Variants in NLK observed in about 807,000 individuals in gnomAD.
NLK encodes serine/threonine-protein kinase NLK.
NLK carries 11 observed loss-of-function variants against 59.0 expected under a neutral mutation model. The observed-to-expected ratio is 0.19, with a 90% CI of 0.12 to 0.31. The LOEUF (loss-of-function observed/expected upper bound fraction) is 0.31. NLK is among the 10% of genes least tolerant of loss of function. NLK has a pLI of 1.00. For missense variants in NLK, 410 were observed against 661.1 expected (o/e 0.62, Z 4.16); for synonymous variants, 235 against 235.9 (o/e 1.00, Z 0.03).
At chr17:28,158,013 TACAG>T (rs2142044933) in intron 3 of NLK, among the ~76,000 whole-genome samples, 1 of 152,222 alleles carries the variant, frequency 6.6e-6, no homozygotes, top group African/African-American at 2.4e-5. Context: ...GGCTTGGCAA[TACAG>T]ACAGAGAATA....
intron 1 of NLK, among the ~76,000 whole-genome samples, chr17:28,071,704 A>T (rs1910012316): frequency 6.6e-6 from 1 of 152,226 alleles, no homozygotes; most frequent in South Asian, 2.1e-4. Context: ...CTTGAGGGCG[A>T]TCCCTCTCAG....
In NLK at chr17:28,172,561, A is replaced by C. The variant is rs759415859; in HGVS notation, c.1092A>C (p.Ala364=). The change falls in exon 7 of 11, where the codon GCA becomes GCC. Residue 364 remains alanine, a synonymous_variant. Transcript: ENST00000407008. The part of the protein sequence containing the change: ...TDLLGTPSLE[A]MRTACEGAKA... ...TGTTGGGCACACCATCACTGGAAGCAATGAGGACAGCTTGTGAAGGCGCTA... is the reference window on the plus strand; with the variant it reads ...TGTTGGGCACACCATCACTGGAAGCCATGAGGACAGCTTGTGAAGGCGCTA... 2 of 1,597,904 alleles carry C rather than the reference A, an allele frequency of 1.3e-6. No homozygotes were observed. The highest frequency in any genetic ancestry group is 1.4e-5 in the African/African-American group (1 of 73,926).
chr17:28,063,275 G>T (rs950185823), intron 1 of NLK, among the ~76,000 whole-genome samples: 1 of 152,030 alleles, frequency 6.6e-6, no homozygotes, highest in African/African-American at 2.4e-5. Flanking sequence ...TTTTCTCTTT[G>T]TTACATTGTT....
At chr17:28,144,396 C>CAAAA (rs984366292) in intron 3 of NLK, among the ~76,000 whole-genome samples, 6 of 81,582 alleles carry the variant, frequency 7.4e-5, no homozygotes, top group East Asian at 2.7e-4. Context: ...CAGGTGAAGC[C>CAAAA]AAAAAAAAAA....
At chr17:28,190,359 C>T (rs1909262108) in intron 8 of NLK, among the ~76,000 whole-genome samples, 1 of 152,152 alleles carries the variant, frequency 6.6e-6, no homozygotes, top group Non-Finnish European at 1.5e-5. Context: ...GTAGCTCATG[C>T]CTGCAGTCCC....
intron 2 of NLK, among the ~76,000 whole-genome samples, chr17:28,125,614 A>G (rs1425181034): frequency 1.3e-5 from 2 of 152,176 alleles, no homozygotes; most frequent in South Asian, 2.1e-4. Flanking sequence ...ACTATTTTAT[A>G]TATAATAGAT....
At chr17:28,202,935 G>A in the NLK span, among the ~76,000 whole-genome samples, 1 of 151,550 alleles carries the variant, frequency 6.6e-6, no homozygotes, top group Non-Finnish European at 1.5e-5. Flanking sequence ...GCCCACCTCA[G>A]CCTCCCAAAG....
chr17:28,057,605 A>G (rs1909486088), intron 1 of NLK, among the ~76,000 whole-genome samples: 1 of 152,210 alleles, frequency 6.6e-6, no homozygotes, highest in African/African-American at 2.4e-5. Flanking sequence ...TTAAGGGAAC[A>G]TTTTCAAAAT....
downstream of NLK, among the ~76,000 whole-genome samples, chr17:28,197,391 C>T (rs1184217454): frequency 6.6e-6 from 1 of 151,734 alleles, no homozygotes; most frequent in Non-Finnish European, 1.5e-5. Context: ...ATCGTTTGAA[C>T]CCAGGAGGTG....
At chr17:28,053,271 G>C (rs1255707565) in intron 1 of NLK, among the ~76,000 whole-genome samples, 2 of 152,202 alleles carry the variant, frequency 1.3e-5, no homozygotes, top group Admixed American at 6.5e-5. Flanking sequence ...TGTCTGACTT[G>C]TGTCAGACTC....
At chr17:28,154,951 G>A (rs747320910) in intron 3 of NLK, among the ~76,000 whole-genome samples, 6 of 152,120 alleles carry the variant, frequency 3.9e-5, no homozygotes, top group Non-Finnish European at 2.9e-5. Context: ...AGGATCGCTT[G>A]AACCTGGGAA....
At chr17:28,205,603 G>T in the NLK span, among the ~76,000 whole-genome samples, 1 of 152,142 alleles carries the variant, frequency 6.6e-6, no homozygotes, top group African/African-American at 2.4e-5. Context: ...TTGTTTCTTG[G>T]TTGTTTTTTG....
intron 1 of NLK, among the ~76,000 whole-genome samples, chr17:28,121,579 TGC>T (rs1906060690): frequency 7.8e-6 from 1 of 127,590 alleles, no homozygotes; most frequent in Non-Finnish European, 1.6e-5. Flanking sequence ...CTTGGCTAAC[TGC>T]AACCTCCGCC....
intron 1 of NLK, among the ~76,000 whole-genome samples, chr17:28,102,346 T>C (rs1223665078): frequency 2.0e-5 from 3 of 152,208 alleles, no homozygotes; most frequent in South Asian, 2.1e-4. Flanking sequence ...TGTTGACTTA[T>C]GTTAAAGTAG....
intron 3 of NLK, among the ~76,000 whole-genome samples, chr17:28,136,535 G>C (rs1376945965): frequency 6.6e-6 from 1 of 152,130 alleles, no homozygotes; most frequent in African/African-American, 2.4e-5. Context: ...AAATACCTTA[G>C]TTACATATAT....
chr17:28,155,779 G>A lies in NLK; in HGVS notation c.645-5381G>A, dbSNP rs567829181. On this transcript the variant is annotated intron_variant, in intron 3 of 10. Transcript: ENST00000407008. ...GGAACATCACACATCAGGGCCTGTC[G>A]GGGGGTGGAGGGCTGGGGGTGGGAT... Among the ~76,000 whole-genome samples, 365 of 152,068 alleles carry A rather than the reference G, an allele frequency of 2.4e-3. 5 individuals are homozygous for A. The highest frequency in any genetic ancestry group is 8.0e-3 in the African/African-American group (332 of 41,492).
At chr17:28,110,361 C>T (rs1215646830) in intron 1 of NLK, among the ~76,000 whole-genome samples, 1 of 152,024 alleles carries the variant, frequency 6.6e-6, no homozygotes, top group Non-Finnish European at 1.5e-5. Context: ...GATGAGAAGT[C>T]AGTCATTTAT....
At chr17:28,174,303 C>G (rs1359246366) in intron 7 of NLK, among the ~76,000 whole-genome samples, 2 of 152,150 alleles carry the variant, frequency 1.3e-5, no homozygotes, top group African/African-American at 4.8e-5. Flanking sequence ...GTTGAGATGT[C>G]TAAACAAATC....
chr17:28,112,432 G>A (rs1468650443), intron 1 of NLK, among the ~76,000 whole-genome samples: 1 of 151,974 alleles, frequency 6.6e-6, no homozygotes, highest in Non-Finnish European at 1.5e-5. Context: ...GCAGGGGTGG[G>A]GTAAGAAGCT....
Sources: gnomAD v4.1 joint callset for allele counts (sites outside exome capture counted in the v4.1 genomes callset) on GRCh38, gnomAD v4.1.1 for gene constraint, MANE v1.5 for transcripts, NCBI Gene and HGNC (gene_info 2026-07-23, HGNC 2026-07-21) for gene names.